NT5DC1: variants seen among roughly 807,000 people sequenced by gnomAD.
NT5DC1 encodes the protein 5'-nucleotidase domain containing 1.
Under a neutral mutation model 59.4 loss-of-function variants are expected in NT5DC1, and 42 were observed. The observed-to-expected ratio is 0.71, with a 90% CI of 0.55 to 0.92. NT5DC1 has a LOEUF of 0.92. NT5DC1 is among the 40% of genes least tolerant of loss of function. NT5DC1 has a pLI of 0.00. For missense variants in NT5DC1, 501 were observed against 537.1 expected (o/e 0.93, Z 0.66); for synonymous variants, 172 against 188.1 (o/e 0.91, Z 0.70).
chr6:116,235,554 T>C (rs951077787), intron 8 of NT5DC1, among the ~76,000 whole-genome samples: 1 of 152,250 alleles, frequency 6.6e-6, no homozygotes, highest in African/African-American at 2.4e-5. Flanking sequence ...GTTTAAAATA[T>C]CTGAGGTTAT....
chr6:116,116,879 A>T (rs1222756955), intron 5 of NT5DC1, among the ~76,000 whole-genome samples: 2 of 152,142 alleles, frequency 1.3e-5, no homozygotes, highest in Non-Finnish European at 2.9e-5. Context: ...AATATCTAGT[A>T]GTCTGTCTTT....
chr6:116,110,074 T>C lies in NT5DC1; in HGVS notation c.258-776T>C, dbSNP rs532263949. Among the ~76,000 whole-genome samples, 35 of 152,346 alleles carry C rather than the reference T, an allele frequency of 2.3e-4. No homozygotes were observed. In the South Asian group the frequency reaches 7.1e-3, roughly 31 times the overall value. On this transcript the variant is annotated intron_variant, in intron 3 of 11. Transcript: ENST00000319550. ...TAAAATATAACAATAGAACTCAGAA[T>C]GCTATGCAGTTTAAAACTTACGAAT...
chr6:116,120,897 C>T, intron 6 of NT5DC1: 4 of 1,613,976 alleles, frequency 2.5e-6, no homozygotes, highest in Non-Finnish European at 3.4e-6. Context: ...CCTTTTGGAC[C>T]TGGTAACCCT....
chr6:116,173,767 A>G (rs1780671031), intron 6 of NT5DC1, among the ~76,000 whole-genome samples: 1 of 152,158 alleles, frequency 6.6e-6, no homozygotes, highest in Non-Finnish European at 1.5e-5. Context: ...GTGATCCTGA[A>G]TATCACCCTA....
intron 6 of NT5DC1, chr6:116,119,981 T>G: frequency 3.5e-6 from 4 of 1,136,366 alleles, no homozygotes; most frequent in South Asian, 1.3e-5. Flanking sequence ...AATTACATTC[T>G]TTTCAGCCTA....
chr6:116,121,839 C>T lies in NT5DC1; in HGVS notation c.529+3894C>T, dbSNP rs1197340286. The T allele has an allele frequency of 9.9e-6, 16 of 1,613,844 alleles. No individual in the cohort carries two copies. The highest frequency in any genetic ancestry group is 2.2e-5 in the East Asian group (1 of 44,848). ...CCCGGTGGTCCTGGCAACCCTGGCT[C>T]TCCTTGGAGTCCAGGACTTCCGTAG... On this transcript the variant is annotated intron_variant, in intron 6 of 11. Coordinates refer to ENST00000319550, the MANE Select transcript of NT5DC1 (RefSeq NM_152729.3).
intron 6 of NT5DC1, chr6:116,120,522 G>A: frequency 1.2e-6 from 2 of 1,614,122 alleles, no homozygotes; most frequent in East Asian, 2.2e-5. Flanking sequence ...GAAAGACTGG[G>A]CCTTTGGCCT....
chr6:116,223,154 C>T (rs755406211), intron 8 of NT5DC1, 23 bp downstream of exon 8: 33 of 1,317,934 alleles, frequency 2.5e-5, no homozygotes, highest in Non-Finnish European at 3.6e-5. Flanking sequence ...TGGTTTCTTT[C>T]TTTTCCTGTA....
intron 6 of NT5DC1, among the ~76,000 whole-genome samples, chr6:116,192,891 C>G (rs978423378): frequency 1.4e-4 from 21 of 152,198 alleles, no homozygotes; most frequent in African/African-American, 5.1e-4. Flanking sequence ...CACGTTGCAT[C>G]TTCAGCAGAC....
chr6:116,121,711 TG>T, intron 6 of NT5DC1: 1 of 1,614,080 alleles, frequency 6.2e-7, no homozygotes, highest in Non-Finnish European at 8.5e-7. Context: ...CCCGGGGTCC[TG>T]GTAGGCCAGC....
intron 6 of NT5DC1, among the ~76,000 whole-genome samples, chr6:116,217,932 T>C (rs1008505426): frequency 6.6e-6 from 1 of 152,188 alleles, no homozygotes; most frequent in African/African-American, 2.4e-5. Flanking sequence ...CTCCTATTCC[T>C]TTAATAATTG....
chr6:116,156,373 C>T (rs1266322219), intron 6 of NT5DC1, among the ~76,000 whole-genome samples: 1 of 151,992 alleles, frequency 6.6e-6, no homozygotes, highest in Non-Finnish European at 1.5e-5. Context: ...AGTTAGTTTG[C>T]TGGTTTAATA....
At chr6:116,208,134 A>C (rs148090937) in intron 6 of NT5DC1, among the ~76,000 whole-genome samples, 2 of 151,940 alleles carry the variant, frequency 1.3e-5, no homozygotes, top group African/African-American at 2.4e-5. Flanking sequence ...TATGATTTCT[A>C]TGTTCCTGTT....
rs764112620 is a variant in NT5DC1 at position 116,238,174 on chromosome 6, A to C, written c.922-13A>C. On this transcript the variant is annotated splice_polypyrimidine_tract_variant and intron_variant, in intron 9 of 11. Coordinates refer to ENST00000319550, the MANE Select transcript of NT5DC1 (RefSeq NM_152729.3). ...TTCTGTGCCTCAAACAGCATCTGCT[A>C]TCTGTCTTACAGGTTGTTTATTTTG... 1.9e-6 allele frequency: 3 copies of C among 1,584,484 alleles called. No individual in the cohort carries two copies. Among genetic ancestry groups the C allele is most frequent in the South Asian group, 1.2e-5 (1 of 86,492 alleles).
At chr6:116,131,317 T>C (rs1779457730) in intron 6 of NT5DC1, among the ~76,000 whole-genome samples, 1 of 152,216 alleles carries the variant, frequency 6.6e-6, no homozygotes, top group Admixed American at 6.5e-5. Context: ...TACTGACCTA[T>C]CCACCCTGTG....
At chr6:116,175,415 G>A (rs900910071) in intron 6 of NT5DC1, among the ~76,000 whole-genome samples, 4 of 152,110 alleles carry the variant, frequency 2.6e-5, no homozygotes, top group African/African-American at 9.7e-5. Flanking sequence ...AGTAGGCGGA[G>A]TATTTATCTC....
At chr6:116,144,486 C>T (rs560612839) in intron 6 of NT5DC1, among the ~76,000 whole-genome samples, 3 of 149,994 alleles carry the variant, frequency 2.0e-5, no homozygotes, top group East Asian at 3.9e-4. Flanking sequence ...GATGACAGAG[C>T]GAGACTCCGT....
At chr6:116,165,121 A>AAAATC (rs1780434036) in intron 6 of NT5DC1, among the ~76,000 whole-genome samples, 1 of 147,834 alleles carries the variant, frequency 6.8e-6, no homozygotes, top group African/African-American at 2.5e-5. Flanking sequence ...AAAAAAAATT[A>AAAATC]TTGGCTGGCA....
chr6:116,242,303 T>C (rs1771753858), intron 11 of NT5DC1, among the ~76,000 whole-genome samples: 1 of 151,964 alleles, frequency 6.6e-6, no homozygotes, highest in African/African-American at 2.4e-5. Flanking sequence ...ATTGCGCCAC[T>C]GCACTCCAGC....
Sources: gnomAD v4.1 joint callset for allele counts (sites outside exome capture counted in the v4.1 genomes callset) on GRCh38, gnomAD v4.1.1 for gene constraint, MANE v1.5 for transcripts, NCBI Gene and HGNC (gene_info 2026-07-23, HGNC 2026-07-21) for gene names.